Variants in WNK4 observed in about 807,000 individuals in gnomAD.
WNK4 encodes the protein serine/threonine-protein kinase WNK4.
In WNK4, 94 loss-of-function variants were observed where a neutral mutation model predicts 116.2. That is an observed-to-expected ratio of 0.81 (90% CI 0.68 to 0.96). The LOEUF (loss-of-function observed/expected upper bound fraction) is 0.96, where lower values mean the gene tolerates loss of function less well. Among genes scored for constraint, WNK4 ranks in the 40% least tolerant of loss-of-function variants. The probability of loss-of-function intolerance (pLI) is 0.00; values close to 1 mark genes in which losing one functional copy is unlikely to be tolerated. For missense variants in WNK4, 1,542 were observed against 1,650.6 expected (o/e 0.93, Z 1.14); for synonymous variants, 655 against 672.7 (o/e 0.97, Z 0.41).
chr17:42,788,957 T>C (rs528154926), intron 11 of WNK4, among the ~76,000 whole-genome samples, 160 bp downstream of exon 11: 15 of 152,226 alleles, frequency 9.9e-5, no homozygotes, highest in Middle Eastern at 3.4e-3. Flanking sequence ...AGCCCTTGTT[T>C]TGGGGGAGAT....
Position 42,784,125 on chromosome 17 carries a change from T to C in WNK4, c.980T>C (p.Leu327Pro). Residue 327 changes from leucine to proline, a missense_variant, in exon 3 of 19, where the codon CTC (leucine) becomes CCC (proline). Coordinates refer to ENST00000246914, the MANE Select transcript of WNK4 (RefSeq NM_032387.5). This position sits in a 1 kb window ranked among gnomAD's most constrained non-coding sequence, Gnocchi z 4.4. ...ATCGGGGACCTGGGCCTGGCCACGC[T>C]CAAGCGCGCCTCCTTTGCCAAGAGT... The part of the protein sequence containing the change: ...VKIGDLGLAT[L>P]KRASFAKSVI... 3 of 1,608,830 alleles carry C rather than the reference T, an allele frequency of 1.9e-6. No homozygotes were observed. The highest frequency in any genetic ancestry group is 2.5e-6 in the Non-Finnish European group (3 of 1,180,000).
At chr17:42,793,974 TCCCGA>T in intron 12 of WNK4, 2 of 456,636 alleles carry the variant, frequency 4.4e-6, no homozygotes, top group Non-Finnish European at 8.0e-6. Context: ...TGTCCCAGCC[TCCCGA>T]GTAGCTGGGA....
At chr17:42,791,076 C>A (rs887489783) in intron 11 of WNK4, among the ~76,000 whole-genome samples, 5 of 152,090 alleles carry the variant, frequency 3.3e-5, no homozygotes, top group Admixed American at 1.3e-4. Context: ...ACTCGTAGAG[C>A]CTTCTGTATT....
intron 6 of WNK4, 84 bp downstream of exon 6, chr17:42,785,566 G>T: frequency 6.7e-7 from 1 of 1,494,498 alleles, no homozygotes; most frequent in Non-Finnish European, 9.1e-7. Context: ...TGGGGCGCAG[G>T]AGGGGTGGCA....
In WNK4 at chr17:42,785,108, G is replaced by T. The variant is rs777411138; in HGVS notation, c.1182G>T (p.Pro394=). ...IYRKVTSGRK[P]NSFHKVKIPE... is the part of the protein sequence containing the mutation. ...AACCCCTTCCCCAGGGCAGAAAGCC[G>T]AACAGCTTCCACAAGGTGAAGATAC... Residue 394 remains proline, a synonymous_variant, in exon 5 of 19, where the codon CCG becomes CCT. Transcript: ENST00000246914. 1.2e-6 allele frequency: 2 copies of T among 1,613,334 alleles called. No individual in the cohort carries two copies. The highest frequency in any genetic ancestry group is 1.1e-5 in the South Asian group (1 of 90,764).
chr17:42,782,677 C>T lies in WNK4; in HGVS notation c.619-81C>T, dbSNP rs1459228133. On this transcript the variant is annotated intron_variant, in intron 1 of 18. Transcript: ENST00000246914. The surrounding 1 kb of genome is among the most constrained non-coding windows in gnomAD (Gnocchi z 4.2). ...CTGTGGGCTCCAACCCTCACCTCTT[C>T]CCCCAACCCCACTCCAGGTGTCCCT... 1 of 1,548,014 alleles carries T rather than the reference C, an allele frequency of 6.5e-7. No individual in the cohort carries two copies. The highest frequency in any genetic ancestry group is 1.4e-5 in the African/African-American group (1 of 73,402).
chr17:42,792,533 G>A (rs1421404620), intron 11 of WNK4, among the ~76,000 whole-genome samples: 1 of 152,064 alleles, frequency 6.6e-6, no homozygotes, highest in Non-Finnish European at 1.5e-5. Context: ...AAACAACTCT[G>A]CCTCTCCACA....
Position 42,782,755 on chromosome 17 carries a change from CAG to C in WNK4, c.619-1_619del, listed in dbSNP as rs1455811603. The C allele has an allele frequency of 6.2e-7, 1 of 1,614,078 alleles. No individual in the cohort carries two copies. Among genetic ancestry groups the C allele is most frequent in the Admixed American group, 1.7e-5 (1 of 60,034 alleles). ...GACATGACACCCGTCCCCCATCCCA[CAG>C]ACTCGGAAACTGTCTAGAGCTGAGC... is the stretch of plus-strand genomic sequence containing the variant. On this transcript the variant is annotated splice_acceptor_variant, in intron 1 of 18. Transcript: ENST00000246914. LOFTEE classifies it high-confidence loss of function. The surrounding 1 kb of genome is among the most constrained non-coding windows in gnomAD (Gnocchi z 4.2).
rs780833279 is a variant in WNK4 at position 42,782,798 on chromosome 17, A to G, written c.659A>G (p.Glu220Gly). The G allele has an allele frequency of 6.2e-7, 1 of 1,614,174 alleles. No homozygotes were observed. Among genetic ancestry groups the G allele is most frequent in the Non-Finnish European group, 8.5e-7 (1 of 1,180,016 alleles). ...LSRAERQRFS[E>G]EVEMLKGLQH... ...AGAGCTGAGCGGCAGCGCTTCTCAG[A>G]GGAGGTGGAGATGCTCAAGGGGCTG... The change falls in exon 2 of 19, where the codon GAG becomes GGG. Residue 220 changes from glutamate to glycine, a missense_variant. Physicochemically the swap from Glu to Gly is moderately conservative, Grantham distance 98 (BLOSUM62 -2). This residue lies in a region of WNK4 where 808 missense variants were observed against 873.6 expected (regional missense o/e 0.92). Transcript: ENST00000246914. The surrounding 1 kb of genome is among the most constrained non-coding windows in gnomAD (Gnocchi z 4.2).
In WNK4 at chr17:42,782,832, C is replaced by A. The variant is rs768456500; in HGVS notation, c.693C>A (p.Pro231=). Residue 231 remains proline (P), a synonymous_variant, in exon 2 of 19, where the codon CCC becomes CCA. Coordinates refer to ENST00000246914, the MANE Select transcript of WNK4 (RefSeq NM_032387.5). This position sits in a 1 kb window ranked among gnomAD's most constrained non-coding sequence, Gnocchi z 4.2. ...EVEMLKGLQH[P]NIVRFYDSWK... The stretch of plus-strand genomic sequence containing the variant: ...AGATGCTCAAGGGGCTGCAGCACCC[C>A]AACATCGTCCGCTTCTATGATTCGT... 4.3e-6 allele frequency: 7 copies of A among 1,614,070 alleles called. No individual in the cohort carries two copies. The South Asian group carries it at 7.7e-5, about 18-fold the overall frequency.
rs1445724328 is a variant in WNK4 at position 42,796,261 on chromosome 17, C to CA, written c.3572dup (p.Ser1193GlnfsTer14). The CA allele has an allele frequency of 1.2e-6, 2 of 1,611,058 alleles. No homozygotes were observed. Among genetic ancestry groups the CA allele is most frequent in the African/African-American group, 2.7e-5 (2 of 74,902 alleles). ...TGTCCAGCCGCCAGCGCCGCCTCTC[C>CA]AAGGGCAGCTTCCCCACCTCCCGCC... On this transcript the variant is annotated frameshift_variant, in exon 17 of 19. Transcript: ENST00000246914. LOFTEE classifies it high-confidence loss of function.
rs536170311 is a variant in WNK4 at position 42,795,322 on chromosome 17, T to C, written c.2901T>C (p.Pro967=). ...CCCTCCCTAGCCTGCCCCTTCCCCC[T>C]CCCGTTGCTCCTGGTGGCCAGGAAA... The part of the protein sequence containing the change: ...PSPLPSLPLP[P]PVAPGGQESP... Residue 967 remains proline, a synonymous_variant, in exon 14 of 19, where the codon CCT becomes CCC. Transcript: ENST00000246914. The C allele has an allele frequency of 2.8e-5, 45 of 1,611,854 alleles. No individual in the cohort carries two copies. The South Asian group carries it at 4.6e-4, about 17-fold the overall frequency.
In WNK4 at chr17:42,784,688, C is replaced by T. The variant is rs991670707; in HGVS notation, c.1170+109C>T. On this transcript the variant is annotated intron_variant, in intron 4 of 18. Transcript: ENST00000246914. The surrounding 1 kb of genome is among the most constrained non-coding windows in gnomAD (Gnocchi z 4.4). ...TTTGCCTGCACGAAAACAGGCTAGACACAGAGTCGCCTTGGTGAACACAGA... is the reference window on the plus strand; with the variant it reads ...TTTGCCTGCACGAAAACAGGCTAGATACAGAGTCGCCTTGGTGAACACAGA... The T allele has an allele frequency of 7.1e-7, 1 of 1,411,906 alleles. No individual in the cohort carries two copies. The highest frequency in any genetic ancestry group is 1.4e-5 in the African/African-American group (1 of 70,780). 87.5% of individuals were successfully genotyped at this position (1,411,906 alleles called of 1,614,324 possible).
intron 12 of WNK4, 64 bp downstream of exon 12, chr17:42,793,793 C>G: frequency 3.1e-6 from 5 of 1,603,558 alleles, no homozygotes; most frequent in Non-Finnish European, 3.4e-6. Context: ...TTATTACTCT[C>G]TGCCCTCAGC....
chr17:42,787,375 G>C lies in WNK4; in HGVS notation c.1574G>C (p.Arg525Pro). Residue 525 changes from arginine (R) to proline (P), a missense_variant, in exon 7 of 19, where the codon CGT (arginine) becomes CCT (proline). This residue lies in a region of WNK4 where 808 missense variants were observed against 873.6 expected (regional missense o/e 0.92). Transcript: ENST00000246914. ...ATCCAGCGAAAGCGTGAGAAGCTGCGTAAAGCAAGGGAATTGGAGGCACTC... is the reference window on the plus strand; with the variant it reads ...ATCCAGCGAAAGCGTGAGAAGCTGCCTAAAGCAAGGGAATTGGAGGCACTC... The part of the protein sequence containing the change: ...AAIQRKREKL[R>P]KARELEALPP... 6.2e-7 allele frequency: 1 copy of C among 1,614,128 alleles called. No individual in the cohort carries two copies. The highest frequency in any genetic ancestry group is 8.5e-7 in the Non-Finnish European group (1 of 1,180,028).
At position 42,785,426 on chromosome 17, in the gene WNK4, A is replaced by G. The variant is rs2054537311; in HGVS notation, c.1420A>G (p.Ile474Val). 1.3e-6 allele frequency: 2 copies of G among 1,562,622 alleles called. No homozygotes were observed. The highest frequency in any genetic ancestry group is 1.7e-6 in the Non-Finnish European group (2 of 1,153,142). Residue 474 changes from isoleucine to valine, a missense_variant, in exon 6 of 19, where the codon ATC becomes GTC. Around this residue, in one of 7 missense-constraint regions of WNK4, gnomAD observed 808 missense variants for 873.6 expected, o/e 0.92. Transcript: ENST00000246914. Reference sequence around the variant, plus strand: ...GGGGCGCCCACGGGACAACCAGGCCATCGAGTTCCTGTTCCAGCTGGGCCG... The same window carrying G: ...GGGGCGCCCACGGGACAACCAGGCCGTCGAGTTCCTGTTCCAGCTGGGCCG... ...RGGRPRDNQAIEFLFQLGRDA... is the reference protein window; with the variant it reads ...RGGRPRDNQAVEFLFQLGRDA...
intron 2 of WNK4, among the ~76,000 whole-genome samples, chr17:42,783,217 A>G (rs1003929083): frequency 2.0e-5 from 3 of 151,900 alleles, no homozygotes; most frequent in African/African-American, 7.3e-5. Context: ...TCACTGCTTC[A>G]TCCATGCCAC....
chr17:42,784,853 G>A lies in WNK4; in HGVS notation c.1171-244G>A, dbSNP rs996124789. ...CCAGCTGCCCTGTGAGGTGAGCGGGGCAAATGTTCCACCCTGCGATTTACA... is the reference window on the plus strand; with the variant it reads ...CCAGCTGCCCTGTGAGGTGAGCGGGACAAATGTTCCACCCTGCGATTTACA... On this transcript the variant is annotated intron_variant, in intron 4 of 18. Transcript: ENST00000246914. The surrounding 1 kb of genome is among the most constrained non-coding windows in gnomAD (Gnocchi z 4.4). Among the ~76,000 whole-genome samples, 2 of 149,086 alleles carry A rather than the reference G, an allele frequency of 1.3e-5. No homozygotes were observed. Among genetic ancestry groups the A allele is most frequent in the African/African-American group, 5.1e-5 (2 of 39,010 alleles).
rs758373345 is a variant in WNK4, at chr17:42,780,834, T to C, written c.136T>C (p.Phe46Leu). 13 of 1,601,856 alleles carry C rather than the reference T, an allele frequency of 8.1e-6. No homozygotes were observed. Among genetic ancestry groups the C allele is most frequent in the Non-Finnish European group, 1.0e-5 (12 of 1,178,374 alleles). ...GCCCCCTCCTCGCCGAGCGCGCCGC[T>C]TCTCCGGGAAGGCTGAGCCCCGGCC... is the stretch of plus-strand genomic sequence containing the variant. ...LGPPPRRARR[F>L]SGKAEPRPRS... Residue 46 changes from phenylalanine (F) to leucine (L), a missense_variant, in exon 1 of 19, where the codon TTC becomes CTC. Transcript: ENST00000246914.
Sources: allele counts gnomAD v4.1 joint callset (sites outside exome capture counted in the v4.1 genomes callset), GRCh38; gene constraint gnomAD v4.1.1; regional missense constraint gnomAD v4.1.1; non-coding constraint Gnocchi (gnomAD v3.1); transcripts MANE v1.5; gene names NCBI Gene and HGNC (gene_info 2026-07-23, HGNC 2026-07-21).